The following NR3C2 variants were observed in gnomAD, a reference collection of about 807,000 sequenced individuals.
The protein encoded by NR3C2 is mineralocorticoid receptor.
NR3C2 carries 15 observed loss-of-function variants against 86.4 expected under a neutral mutation model. The observed-to-expected ratio is 0.17, with a 90% CI of 0.12 to 0.27. NR3C2 has a LOEUF of 0.27. Among genes scored for constraint, NR3C2 ranks in the 10% least tolerant of loss-of-function variants. NR3C2 has a pLI of 1.00. For synonymous variants in NR3C2, 458 were observed against 450.5 expected (o/e 1.02, Z -0.21); for missense variants, 960 against 1,195.6 (o/e 0.80, Z 2.91).
At chr4:148,129,345 G>T (rs1732908839) in intron 6 of NR3C2, among the ~76,000 whole-genome samples, 2 of 152,180 alleles carry the variant, frequency 1.3e-5, no homozygotes, top group African/African-American at 4.8e-5. Flanking sequence ...AAGTAAAACG[G>T]TGGTTACCAG....
rs574425809 is a variant in NR3C2 at position 148,122,044 on chromosome 4, T to G, written c.2511-1756A>C. ...AGCAGAGCATGAGCGTGCCCTTACT[T>G]CACATCCCCACCAATGATTGCCATT... On this transcript the variant is annotated intron_variant, in intron 6 of 8. Coordinates refer to ENST00000358102, the MANE Select transcript of NR3C2 (RefSeq NM_000901.5). 2.6e-5 allele frequency among the ~76,000 whole-genome samples: 4 copies of G among 152,258 alleles called. No homozygotes were observed. In the East Asian group the frequency reaches 7.7e-4, roughly 29 times the overall value.
rs1578898988 is a variant in NR3C2, at chr4:148,115,719, T to C, written c.2642-1458A>G. 2.0e-5 allele frequency among the ~76,000 whole-genome samples: 3 copies of C among 152,142 alleles called. No homozygotes were observed. The South Asian group carries it at 6.2e-4, about 32-fold the overall frequency. The stretch of plus-strand genomic sequence containing the variant: ...ATGTTAATAATCTTCTTGAGTTTAA[T>C]TGTTGAGACTTTTGATTTGTCATTT... On this transcript the variant is annotated intron_variant, in intron 7 of 8. Coordinates refer to ENST00000358102, the MANE Select transcript of NR3C2 (RefSeq NM_000901.5).
At chr4:148,251,123 T>C (rs945814221) in intron 3 of NR3C2, among the ~76,000 whole-genome samples, 1 of 151,652 alleles carries the variant, frequency 6.6e-6, no homozygotes, top group Non-Finnish European at 1.5e-5. Context: ...TTTTTTGTTG[T>C]TGTTATTGTT....
chr4:148,188,215 T>C (rs1343503342), intron 4 of NR3C2, among the ~76,000 whole-genome samples: 1 of 152,222 alleles, frequency 6.6e-6, no homozygotes, highest in African/African-American at 2.4e-5. Flanking sequence ...TTTAGTTCCA[T>C]ATGAATTTCA....
At chr4:148,144,641 G>GT (rs1733779789) in intron 6 of NR3C2, among the ~76,000 whole-genome samples, 1 of 152,186 alleles carries the variant, frequency 6.6e-6, no homozygotes, top group South Asian at 2.1e-4. Flanking sequence ...CTCTCTCCCT[G>GT]TATATAACTG....
intron 8 of NR3C2, among the ~76,000 whole-genome samples, chr4:148,086,501 G>A (rs1233208065): frequency 1.3e-5 from 2 of 152,218 alleles, no homozygotes; most frequent in Non-Finnish European, 2.9e-5. Context: ...TTGAGAGGCT[G>A]AGGTGGGCGG....
Position 148,436,527 on chromosome 4 carries a change from C to A in NR3C2, c.334G>T (p.Val112Leu). ...TCATAGGAATAGTCAGCATCTCTTACAGAATCCATATATAAACCCATGGAC... is the reference window on the plus strand; with the variant it reads ...TCATAGGAATAGTCAGCATCTCTTAAAGAATCCATATATAAACCCATGGAC... ...AESMGLYMDS[V>L]RDADYSYEQQ... The change falls in exon 2 of 9, where the codon GTA becomes TTA. Residue 112 changes from valine (V) to leucine (L), a missense_variant. Coordinates refer to ENST00000358102, the MANE Select transcript of NR3C2 (RefSeq NM_000901.5). The A allele has an allele frequency of 6.2e-7, 1 of 1,614,202 alleles. No homozygotes were observed. The highest frequency in any genetic ancestry group is 8.5e-7 in the Non-Finnish European group (1 of 1,180,036).
chr4:148,384,704 C>T (rs1747177724), intron 2 of NR3C2, among the ~76,000 whole-genome samples: 1 of 152,118 alleles, frequency 6.6e-6, no homozygotes, highest in African/African-American at 2.4e-5. Context: ...GTTCTATTAA[C>T]TGTCCTTCAT....
chr4:148,418,828 A>G lies in NR3C2; in HGVS notation c.1757+16276T>C, dbSNP rs117765936. On this transcript the variant is annotated intron_variant, in intron 2 of 8. Transcript: ENST00000358102. ...CAGAGGTGGAAGGAAACTCATTCTT[A>G]GAGAGGATAGGTAACTTGCTCAAGG... Among the ~76,000 whole-genome samples the G allele has an allele frequency of 1.9e-3, 289 of 152,336 alleles. 9 individuals are homozygous for G. The East Asian group carries it at 0.047, about 25-fold the overall frequency.
chr4:148,262,964 C>A (rs1038950327), intron 2 of NR3C2, among the ~76,000 whole-genome samples: 1 of 152,174 alleles, frequency 6.6e-6, no homozygotes, highest in Non-Finnish European at 1.5e-5. Flanking sequence ...GCTGTCAACA[C>A]CTCTTACCTG....
At chr4:148,251,719 T>C (rs1337540948) in intron 3 of NR3C2, among the ~76,000 whole-genome samples, 1 of 152,192 alleles carries the variant, frequency 6.6e-6, no homozygotes, top group Non-Finnish European at 1.5e-5. Context: ...AGGATAGTAA[T>C]GGTAATTTTT....
chr4:148,084,801 A>G (rs1373747141), intron 8 of NR3C2, among the ~76,000 whole-genome samples: 2 of 152,202 alleles, frequency 1.3e-5, no homozygotes, highest in African/African-American at 2.4e-5. Context: ...TAGTCTCAAA[A>G]TAAAGGGATG....
intron 2 of NR3C2, among the ~76,000 whole-genome samples, chr4:148,421,462 C>T (rs922663031): frequency 1.3e-5 from 2 of 152,168 alleles, no homozygotes; most frequent in Non-Finnish European, 2.9e-5. Context: ...GAAGGGCACT[C>T]CCCTTTTAAA....
intron 2 of NR3C2, among the ~76,000 whole-genome samples, chr4:148,392,511 A>C (rs766612258): frequency 6.6e-6 from 1 of 152,066 alleles, no homozygotes; most frequent in East Asian, 1.9e-4. Context: ...TTCTCACTGT[A>C]CCTTTCTTCC....
At chr4:148,183,638 GTATCTCA>G (rs1735746586) in intron 4 of NR3C2, among the ~76,000 whole-genome samples, 1 of 152,168 alleles carries the variant, frequency 6.6e-6, no homozygotes, top group African/African-American at 2.4e-5. Context: ...TGAAGAGTAT[GTATCTCA>G]TAGTGTTGCT....
At chr4:148,237,054 A>G (rs1738781767) in intron 3 of NR3C2, among the ~76,000 whole-genome samples, 1 of 152,198 alleles carries the variant, frequency 6.6e-6, no homozygotes, top group South Asian at 2.1e-4. Flanking sequence ...TGTACCACAA[A>G]CATTCTTATC....
intron 2 of NR3C2, among the ~76,000 whole-genome samples, chr4:148,335,141 A>G (rs954697081): frequency 1.3e-5 from 2 of 152,146 alleles, no homozygotes; most frequent in South Asian, 2.1e-4. Flanking sequence ...TAGGATTTCA[A>G]TCTATGAATT....
chr4:148,224,422 C>G (rs909355406), intron 3 of NR3C2, among the ~76,000 whole-genome samples: 20 of 152,222 alleles, frequency 1.3e-4, no homozygotes, highest in African/African-American at 4.3e-4. Context: ...AAGCTCAAAG[C>G]AAGCACTAAA....
At chr4:148,294,662 A>T (rs1453010572) in intron 2 of NR3C2, among the ~76,000 whole-genome samples, 1 of 120,040 alleles carries the variant, frequency 8.3e-6, no homozygotes, top group Non-Finnish European at 1.7e-5. Context: ...ATTCCTTCTA[A>T]AAGTCCTCAT....
Sources: gnomAD v4.1 joint callset for allele counts (sites outside exome capture counted in the v4.1 genomes callset) on GRCh38, gnomAD v4.1.1 for gene constraint, MANE v1.5 for transcripts, NCBI Gene and HGNC (gene_info 2026-07-23, HGNC 2026-07-21) for gene names.